Variants in GPAM observed in about 807,000 individuals in gnomAD.
GPAM encodes the protein glycerol-3-phosphate acyltransferase 1, mitochondrial.
Under a neutral mutation model 105.0 loss-of-function variants are expected in GPAM, and 56 were observed. The observed-to-expected ratio is 0.53, with a 90% CI of 0.43 to 0.67. GPAM has a LOEUF of 0.67. Among genes scored for constraint, GPAM ranks in the 30% least tolerant of loss-of-function variants. The pLI, the probability that GPAM is intolerant of heterozygous loss-of-function variation, is 0.00. For synonymous variants in GPAM, 368 were observed against 354.4 expected (o/e 1.04, Z -0.43); for missense variants, 855 against 989.8 (o/e 0.86, Z 1.83).
chr10:112,187,962 A>G (rs1232579953), upstream of GPAM, among the ~76,000 whole-genome samples: 2 of 152,216 alleles, frequency 1.3e-5, no homozygotes, highest in Non-Finnish European at 2.9e-5. Context: ...TAAAAAAGAA[A>G]AATGAAAATT....
At position 112,183,718 on chromosome 10, in the gene GPAM, GC is replaced by G; in HGVS notation, c.-154del. The G allele has an allele frequency of 6.6e-6, 1 of 152,398 alleles. No homozygotes were observed. The highest frequency in any genetic ancestry group is 1.5e-5 in the Non-Finnish European group (1 of 68,152). 9.4% of individuals were successfully genotyped at this position (152,398 alleles called of 1,614,324 possible). A position where few individuals can be genotyped will look rare whatever the true frequency, so the allele number is the denominator to read the frequency against. On this transcript the variant is annotated 5_prime_UTR_variant, in exon 1 of 22. Coordinates refer to ENST00000348367, the MANE Select transcript of GPAM (RefSeq NM_001244949.2). ...CCTAGCAGCTCCAGCTTCGGCTGCT[GC>G]AGAAGCCCGCACTTCCAGTCCCGGC...
chr10:112,204,288 C>T (rs1418128943), intron 1 of GPAM, among the ~76,000 whole-genome samples: 1 of 146,442 alleles, frequency 6.8e-6, no homozygotes, highest in Non-Finnish European at 1.5e-5. Context: ...GAAGAGACAA[C>T]CCTTTCAAGG....
intron 21 of GPAM, chr10:112,154,297 C>G (rs1846975578): frequency 2.9e-6 from 1 of 343,038 alleles, no homozygotes; most frequent in Admixed American, 4.6e-5. Flanking sequence ...AATCTGAAAT[C>G]CAAAACATTT....
Position 112,153,042 on chromosome 10 carries a change from CATT to C in GPAM, c.*505_*507del. The C allele has an allele frequency of 1.3e-6, 1 of 769,910 alleles. No homozygotes were observed. Among genetic ancestry groups the C allele is most frequent in the Non-Finnish European group, 1.6e-6 (1 of 627,348 alleles). 47.7% of individuals were successfully genotyped at this position (769,910 alleles called of 1,614,324 possible). On this transcript the variant is annotated 3_prime_UTR_variant, in exon 22 of 22. Transcript: ENST00000348367. Reference sequence around the variant, plus strand: ...AGCACTTTGGGATAAAAGGTGCTCCCATTAAAAATGTAGCTACTATTGACAGAT... The same window carrying C: ...AGCACTTTGGGATAAAAGGTGCTCCCAAAAATGTAGCTACTATTGACAGAT...
rs1846951702 is a variant in GPAM, at chr10:112,153,230, G to A, written c.*320C>T. ...ATTTCTGTGTCCATCACAGTAATTA[G>A]TCCTTAAAAGTTGTACTTAAAATGT... On this transcript the variant is annotated 3_prime_UTR_variant, in exon 22 of 22. Coordinates refer to ENST00000348367, the MANE Select transcript of GPAM (RefSeq NM_001244949.2). The A allele has an allele frequency of 3.4e-6, 4 of 1,175,860 alleles. No homozygotes were observed. Among genetic ancestry groups the A allele is most frequent in the Non-Finnish European group, 3.2e-6 (3 of 938,898 alleles). The allele number at this position is 1,175,860 out of a possible 1,614,324, so 72.8% of individuals were successfully genotyped here.
intron 1 of GPAM, among the ~76,000 whole-genome samples, chr10:112,208,213 A>G (rs978337025): frequency 1.3e-5 from 2 of 152,236 alleles, no homozygotes; most frequent in African/African-American, 4.8e-5. Context: ...AAATCAACGT[A>G]CTGGCATCTT....
intron 19 of GPAM, 55 bp downstream of exon 19, chr10:112,157,194 A>C: frequency 6.7e-7 from 1 of 1,483,954 alleles, no homozygotes; most frequent in Admixed American, 1.7e-5. Flanking sequence ...ATCTCACTGC[A>C]GCATAAACCT....
intron 21 of GPAM, 83 bp from the exon 22 acceptor site, chr10:112,153,749 C>A: frequency 6.6e-7 from 1 of 1,524,162 alleles, no homozygotes; most frequent in East Asian, 2.4e-5. Context: ...CTGTGGTGTC[C>A]TAGACCTCAG....
At chr10:112,181,846 G>A (rs973130315) in intron 2 of GPAM, 33 bp from the exon 3 acceptor site, 10 of 926,724 alleles carry the variant, frequency 1.1e-5, no homozygotes, top group Non-Finnish European at 1.8e-5. Flanking sequence ...AAATTAACAA[G>A]GAATCGAGAG....
At chr10:112,220,459 C>A in the GPAM span, among the ~76,000 whole-genome samples, 2 of 152,150 alleles carry the variant, frequency 1.3e-5, no homozygotes, top group African/African-American at 4.8e-5. Flanking sequence ...TGTGAGAATA[C>A]ATCTCTGTGT....
intron 1 of GPAM, among the ~76,000 whole-genome samples, chr10:112,199,556 T>A (rs1847767969): frequency 6.6e-6 from 1 of 152,142 alleles, no homozygotes. Flanking sequence ...CCACAAAAAA[T>A]TAAGTATGTG....
chr10:112,207,869 A>G (rs1847868695), intron 1 of GPAM, among the ~76,000 whole-genome samples: 1 of 152,216 alleles, frequency 6.6e-6, no homozygotes, highest in South Asian at 2.1e-4. Context: ...CATTGCAAAC[A>G]TGGGTAAAGC....
In GPAM at chr10:112,150,477, T is replaced by C; in HGVS notation, c.*3073A>G. On this transcript the variant is annotated 3_prime_UTR_variant, in exon 22 of 22. Transcript: ENST00000348367. ...TGCAGGGGAGGAAATACACATCTAT[T>C]CAACGCCACACTGGACGTTACAAAA... 1.0e-6 allele frequency: 1 copy of C among 985,432 alleles called. No homozygotes were observed. The highest frequency in any genetic ancestry group is 1.2e-6 in the Non-Finnish European group (1 of 829,534). 61.0% of individuals were successfully genotyped at this position (985,432 alleles called of 1,614,324 possible).
intron 11 of GPAM, among the ~76,000 whole-genome samples, chr10:112,167,725 A>C: frequency 6.6e-6 from 1 of 152,248 alleles, no homozygotes; most frequent in South Asian, 2.1e-4. Context: ...GAGAAGCACA[A>C]GGAGGGTTTC....
chr10:112,193,196 C>T (rs989825650), intron 1 of GPAM, among the ~76,000 whole-genome samples: 17 of 152,120 alleles, frequency 1.1e-4, no homozygotes, highest in African/African-American at 3.9e-4. Context: ...AGCAGCAACA[C>T]GAGATCACTA....
intron 1 of GPAM, among the ~76,000 whole-genome samples, chr10:112,200,167 A>AATATATATATAT (rs10528337): frequency 1.4e-3 from 121 of 87,166 alleles, no homozygotes; most frequent in Non-Finnish European, 1.6e-3. Flanking sequence ...TTGTAAAGGA[A>AATATATATATAT]ATATATATAT....
intron 5 of GPAM, among the ~76,000 whole-genome samples, chr10:112,177,525 T>G (rs1847428574): frequency 6.6e-6 from 1 of 152,194 alleles, no homozygotes; most frequent in Non-Finnish European, 1.5e-5. Flanking sequence ...TTGTAAGAAC[T>G]CTAAGTAAAG....
In GPAM at chr10:112,153,287, G is replaced by A. The variant is rs1846952958; in HGVS notation, c.*263C>T. On this transcript the variant is annotated 3_prime_UTR_variant, in exon 22 of 22. Coordinates refer to ENST00000348367, the MANE Select transcript of GPAM (RefSeq NM_001244949.2). Reference sequence around the variant, plus strand: ...TTAATAAACTCAAAAATAATTTATTGAGATTTCATCTTGTAGTCTACGGAT... The same window carrying A: ...TTAATAAACTCAAAAATAATTTATTAAGATTTCATCTTGTAGTCTACGGAT... The A allele has an allele frequency of 7.8e-7, 1 of 1,282,374 alleles. No individual in the cohort carries two copies. Among genetic ancestry groups the A allele is most frequent in the Non-Finnish European group, 9.9e-7 (1 of 1,007,902 alleles). The allele number at this position is 1,282,374 out of a possible 1,614,324, so 79.4% of individuals were successfully genotyped here.
chr10:112,193,894 T>C (rs1490929326), intron 1 of GPAM, among the ~76,000 whole-genome samples: 1 of 152,224 alleles, frequency 6.6e-6, no homozygotes, highest in Admixed American at 6.5e-5. Flanking sequence ...GCTATTCCTT[T>C]GAGCTTGGAT....
Sources: allele counts gnomAD v4.1 joint callset (sites outside exome capture counted in the v4.1 genomes callset), GRCh38; gene constraint gnomAD v4.1.1; transcripts MANE v1.5; gene names NCBI Gene and HGNC (gene_info 2026-07-23, HGNC 2026-07-21).